The following UTS2 variants were observed in gnomAD, a reference collection of about 807,000 sequenced individuals.
The protein encoded by UTS2 is urotensin 2, also known as urotensin-2.
UTS2 carries 10 observed loss-of-function variants against 12.6 expected under a neutral mutation model. The observed-to-expected ratio is 0.80, with a 90% CI of 0.49 to 1.35. The LOEUF (loss-of-function observed/expected upper bound fraction) is 1.35, where lower values mean the gene tolerates loss of function less well. Ranked by LOEUF, UTS2 falls within the 40% of genes most tolerant of loss-of-function variation. The probability of loss-of-function intolerance (pLI) is 0.00; values close to 1 mark genes in which losing one functional copy is unlikely to be tolerated. For missense variants in UTS2, 142 were observed against 143.2 expected (o/e 0.99, Z 0.04); for synonymous variants, 52 against 50.0 (o/e 1.04, Z -0.17).
At chr1:7,889,647 A>G in the UTS2 span, among the ~76,000 whole-genome samples, 1 of 152,120 alleles carries the variant, frequency 6.6e-6, no homozygotes, top group African/African-American at 2.4e-5. Context: ...TCTACTAAAA[A>G]TACAAAAATT....
chr1:7,859,707 C>T, the UTS2 span, among the ~76,000 whole-genome samples: 1 of 152,154 alleles, frequency 6.6e-6, no homozygotes, highest in East Asian at 1.9e-4. Context: ...TGTCATTTAC[C>T]AGCAATGAGG....
At chr1:7,904,391 C>A in the UTS2 span, among the ~76,000 whole-genome samples, 3 of 151,274 alleles carry the variant, frequency 2.0e-5, no homozygotes, top group Non-Finnish European at 4.4e-5. Flanking sequence ...GTGGGAGAAT[C>A]TCTTGAGCCT....
At chr1:7,892,877 C>T in the UTS2 span, among the ~76,000 whole-genome samples, 1 of 152,128 alleles carries the variant, frequency 6.6e-6, no homozygotes, top group Non-Finnish European at 1.5e-5. Context: ...ACGTCCTTAA[C>T]TTAATCACAT....
At chr1:7,871,363 T>C in the UTS2 span, among the ~76,000 whole-genome samples, 2 of 152,062 alleles carry the variant, frequency 1.3e-5, no homozygotes, top group Non-Finnish European at 2.9e-5. Flanking sequence ...TGTAGAAGCA[T>C]GGGGTCATTT....
chr1:7,893,521 C>A, the UTS2 span, among the ~76,000 whole-genome samples: 2 of 151,170 alleles, frequency 1.3e-5, no homozygotes, highest in South Asian at 2.1e-4. Flanking sequence ...ATAAATAAAA[C>A]AAACCAAACC....
At chr1:7,880,588 C>T in the UTS2 span, among the ~76,000 whole-genome samples, 1 of 152,130 alleles carries the variant, frequency 6.6e-6, no homozygotes, top group Non-Finnish European at 1.5e-5. Context: ...TTATTGGACA[C>T]ATACAACCAT....
chr1:7,857,016 G>A (rs707475), upstream of UTS2, among the ~76,000 whole-genome samples: 60,399 of 151,078 alleles, frequency 0.4, 12,574 homozygotes, highest in African/African-American at 0.5. Context: ...AGCCGAGATC[G>A]TGCCATTGCA....
At chr1:7,886,229 G>C in the UTS2 span, among the ~76,000 whole-genome samples, 1 of 152,184 alleles carries the variant, frequency 6.6e-6, no homozygotes, top group African/African-American at 2.4e-5. Flanking sequence ...AGCACTGCTG[G>C]CTCCAAACCC....
the UTS2 span, among the ~76,000 whole-genome samples, chr1:7,878,709 TGA>T: frequency 6.7e-6 from 1 of 148,632 alleles, no homozygotes; most frequent in Non-Finnish European, 1.5e-5. Context: ...GAAAAAAAAA[TGA>T]GAGAGATAAA....
intron 1 of UTS2, among the ~76,000 whole-genome samples, chr1:7,851,433 C>A (rs147746123): frequency 1.3e-5 from 2 of 152,306 alleles, no homozygotes; most frequent in Admixed American, 6.5e-5. Context: ...GCTTCAAAAT[C>A]ATCTGTAAGG....
At chr1:7,880,441 G>A in the UTS2 span, among the ~76,000 whole-genome samples, 50 of 150,458 alleles carry the variant, frequency 3.3e-4, no homozygotes, top group African/African-American at 7.3e-4. Context: ...GGGGGGCGGC[G>A]AAGAACACAA....
intron 1 of UTS2, among the ~76,000 whole-genome samples, chr1:7,852,278 A>G (rs1224706029): frequency 2.6e-5 from 4 of 152,214 alleles, no homozygotes; most frequent in Non-Finnish European, 4.4e-5. Context: ...CTCTAACTAA[A>G]TGGAAAGATA....
At chr1:7,875,102 T>G in the UTS2 span, among the ~76,000 whole-genome samples, 1 of 151,638 alleles carries the variant, frequency 6.6e-6, no homozygotes, top group South Asian at 2.1e-4. Flanking sequence ...TAAGACAGAG[T>G]CTCACTCTGT....
At chr1:7,889,411 T>C in the UTS2 span, among the ~76,000 whole-genome samples, 1 of 133,220 alleles carries the variant, frequency 7.5e-6, no homozygotes, top group African/African-American at 2.9e-5. Context: ...CACTGAACTC[T>C]AGTGTGGGCA....
the UTS2 span, among the ~76,000 whole-genome samples, chr1:7,872,810 AAC>A: frequency 6.6e-6 from 1 of 152,244 alleles, no homozygotes; most frequent in Admixed American, 6.5e-5. Context: ...TACTCTAAAC[AAC>A]AGATTTTCCG....
upstream of UTS2, among the ~76,000 whole-genome samples, chr1:7,856,822 G>GA (rs1243871397): frequency 6.6e-6 from 1 of 152,090 alleles, no homozygotes; most frequent in Non-Finnish European, 1.5e-5. Flanking sequence ...GCACTTTGGG[G>GA]GGCCGAGGCA....
the UTS2 span, among the ~76,000 whole-genome samples, chr1:7,903,980 G>T: frequency 1.3e-5 from 2 of 152,082 alleles, no homozygotes; most frequent in Non-Finnish European, 2.9e-5. Context: ...TCCACACAAG[G>T]GTTAGGCGAA....
the UTS2 span, among the ~76,000 whole-genome samples, chr1:7,883,496 TAAC>T: frequency 6.6e-6 from 1 of 152,140 alleles, no homozygotes; most frequent in Admixed American, 6.5e-5. Context: ...CATTACATGT[TAAC>T]AACAACATAT....
chr1:7,892,052 G>A, the UTS2 span, among the ~76,000 whole-genome samples: 19 of 152,174 alleles, frequency 1.2e-4, no homozygotes, highest in Non-Finnish European at 2.5e-4. Context: ...TGGGAGGACC[G>A]GCCAGCGGCC....
Sources: gnomAD v4.1 joint callset for allele counts (sites outside exome capture counted in the v4.1 genomes callset) on GRCh38, gnomAD v4.1.1 for gene constraint, MANE v1.5 for transcripts, NCBI Gene and HGNC (gene_info 2026-07-23, HGNC 2026-07-21) for gene names.